WDR33: variants seen among roughly 807,000 people sequenced by gnomAD.
The protein encoded by WDR33 is WD repeat domain 33.
WDR33 carries 47 observed loss-of-function variants against 164.9 expected under a neutral mutation model. That is an observed-to-expected ratio of 0.29 (90% CI 0.23 to 0.36). The LOEUF is 0.36. Among genes scored for constraint, WDR33 ranks in the 10% least tolerant of loss-of-function variants. The pLI is 1.00. For synonymous variants in WDR33, 505 were observed against 589.0 expected, an observed-to-expected ratio of 0.86 and a Z score of 2.06; for missense variants, 1,137 against 1,754.1, an observed-to-expected ratio of 0.65 and a Z score of 6.28.
chr2:127,764,454 A>AT lies in WDR33; in HGVS notation c.626+373dup. On this transcript the variant is annotated intron_variant, in intron 6 of 21. Transcript: ENST00000322313. The surrounding 1 kb of genome is among the most constrained non-coding windows in gnomAD (Gnocchi z 6.2). ...TGAAGTTGTTTTCTGTAGGCTTTAG[A>AT]TTTTATTCAGTTGCATAATTAAAGA... 6.9e-7 allele frequency: 1 copy of AT among 1,457,444 alleles called. No individual in the cohort carries two copies. The highest frequency in any genetic ancestry group is 1.5e-5 in the South Asian group (1 of 64,616). 90.3% of individuals were successfully genotyped at this position (1,457,444 alleles called of 1,614,324 possible).
intron 1 of WDR33, among the ~76,000 whole-genome samples, chr2:127,795,136 T>G (rs907426820): frequency 6.9e-6 from 1 of 144,004 alleles, no homozygotes; most frequent in South Asian, 2.2e-4. Context: ...AGTCTCACTC[T>G]GTTGCCCAGG....
At position 127,701,702 on chromosome 2, in the gene WDR33, G is replaced by A. The variant is rs565236306; in HGVS notation, c.*4621C>T. The A allele has an allele frequency of 2.3e-6, 3 of 1,323,260 alleles. No individual in the cohort carries two copies. Among genetic ancestry groups the A allele is most frequent in the East Asian group, 3.2e-5 (1 of 31,048 alleles). The allele number at this position is 1,323,260 out of a possible 1,614,324, so 82.0% of individuals were successfully genotyped here. On this transcript the variant is annotated 3_prime_UTR_variant, in exon 22 of 22. Coordinates refer to ENST00000322313, the MANE Select transcript of WDR33 (RefSeq NM_018383.5). ...GCTGGACGTGGGCGCGGAGCCCTGC[G>A]GAGTCGGCAGCGGCCGGCCTGACGT...
At chr2:127,788,483 C>A (rs1688697793) in intron 1 of WDR33, among the ~76,000 whole-genome samples, 1 of 133,180 alleles carries the variant, frequency 7.5e-6, no homozygotes, top group Non-Finnish European at 1.6e-5. Context: ...CTGACACCCC[C>A]ACCTCCCTCC....
Position 127,702,075 on chromosome 2 carries a change from G to T in WDR33, c.*4248C>A. 8.2e-7 allele frequency: 1 copy of T among 1,222,366 alleles called. No homozygotes were observed. Among genetic ancestry groups the T allele is most frequent in the Non-Finnish European group, 1.0e-6 (1 of 983,312 alleles). 75.7% of individuals were successfully genotyped at this position (1,222,366 alleles called of 1,614,324 possible). A position where few individuals can be genotyped will look rare whatever the true frequency, so the allele number is the denominator to read the frequency against. On this transcript the variant is annotated 3_prime_UTR_variant, in exon 22 of 22. Transcript: ENST00000322313. ...CGCGCAGGTGGCCGCGCTGCTGGCCGCGCTGGTTGGGCTGCTGCCCTGGGG... is the reference window on the plus strand; with the variant it reads ...CGCGCAGGTGGCCGCGCTGCTGGCCTCGCTGGTTGGGCTGCTGCCCTGGGG...
chr2:127,723,879 T>A lies in WDR33; in HGVS notation c.1196+454A>T, dbSNP rs972618999. 1.3e-5 allele frequency among the ~76,000 whole-genome samples: 2 copies of A among 151,600 alleles called. No homozygotes were observed. The highest frequency in any genetic ancestry group is 4.9e-5 in the African/African-American group (2 of 41,228). On this transcript the variant is annotated intron_variant, in intron 11 of 21. Coordinates refer to ENST00000322313, the MANE Select transcript of WDR33 (RefSeq NM_018383.5). This position sits in a 1 kb window ranked among gnomAD's most constrained non-coding sequence, Gnocchi z 5.9. Reference sequence around the variant, plus strand: ...ATTGCCTAAGCCCAGGAGTTTGACATCAGCCTGGGCAACATGGTGAAACCC... The same window carrying A: ...ATTGCCTAAGCCCAGGAGTTTGACAACAGCCTGGGCAACATGGTGAAACCC...
intron 1 of WDR33, among the ~76,000 whole-genome samples, chr2:127,781,694 G>GT (rs1688373917): frequency 6.6e-6 from 1 of 151,936 alleles, no homozygotes; most frequent in Admixed American, 6.6e-5. Flanking sequence ...TCACTAGCTG[G>GT]TTAAAAAAAA....
At chr2:127,727,598 C>G (rs1686602302) in intron 7 of WDR33, among the ~76,000 whole-genome samples, 1 of 151,908 alleles carries the variant, frequency 6.6e-6, no homozygotes, top group African/African-American at 2.4e-5. Context: ...ACTTCAGTAA[C>G]CACCGTGCTA....
In WDR33 at chr2:127,795,102, CTTT is replaced by C. The variant is rs552910693; in HGVS notation, c.-24+15907_-24+15909del. Among the ~76,000 whole-genome samples, 43 of 131,120 alleles carry C rather than the reference CTTT, an allele frequency of 3.3e-4. 1 individual carries two copies. The highest frequency in any genetic ancestry group is 8.1e-4 in the African/African-American group (27 of 33,422). 86.0% of individuals were successfully genotyped at this position (131,120 alleles called of 152,430 possible). On this transcript the variant is annotated intron_variant, in intron 1 of 21. Transcript: ENST00000322313. ...AGTAAGTTATGAAGCAATAACTTCTCTTTTTTTTTTTTTTTTGAGAGGGAGTCT... is the reference window on the plus strand; with the variant it reads ...AGTAAGTTATGAAGCAATAACTTCTCTTTTTTTTTTTTTGAGAGGGAGTCT...
At chr2:127,765,924 T>G (rs17534297) in intron 4 of WDR33, among the ~76,000 whole-genome samples, 16,210 of 152,194 alleles carry the variant, frequency 0.11, 1,196 homozygotes, top group South Asian at 0.25. Flanking sequence ...AAGTTTTAAT[T>G]CTAATGGATA....
intron 18 of WDR33, among the ~76,000 whole-genome samples, chr2:127,711,040 G>A (rs1333357770): frequency 6.6e-6 from 1 of 152,172 alleles, no homozygotes; most frequent in African/African-American, 2.4e-5. Flanking sequence ...CTAAGAACAA[G>A]AACTTTCTCC....
chr2:127,713,467 G>T lies in WDR33; in HGVS notation c.3308+116C>A. 1 of 1,188,200 alleles carries T rather than the reference G, an allele frequency of 8.4e-7. No individual in the cohort carries two copies. Among genetic ancestry groups the T allele is most frequent in the Non-Finnish European group, 1.2e-6 (1 of 833,152 alleles). 73.6% of individuals were successfully genotyped at this position (1,188,200 alleles called of 1,614,324 possible). ...AAATGCAAACTCTACAGAGTGCAGGGCTGGTAATTGATATAATTCTCTTTC... is the reference window on the plus strand; with the variant it reads ...AAATGCAAACTCTACAGAGTGCAGGTCTGGTAATTGATATAATTCTCTTTC... On this transcript the variant is annotated intron_variant, in intron 18 of 21. Coordinates refer to ENST00000322313, the MANE Select transcript of WDR33 (RefSeq NM_018383.5). The surrounding 1 kb of genome is among the most constrained non-coding windows in gnomAD (Gnocchi z 6.2).
intron 1 of WDR33, among the ~76,000 whole-genome samples, chr2:127,782,425 T>A: frequency 6.6e-6 from 1 of 151,866 alleles, no homozygotes; most frequent in Non-Finnish European, 1.5e-5. Context: ...AGAAAATTGA[T>A]CTCAAAAAGA....
intron 7 of WDR33, among the ~76,000 whole-genome samples, chr2:127,755,931 C>A (rs865780114): frequency 1.3e-5 from 2 of 152,274 alleles, no homozygotes; most frequent in Non-Finnish European, 2.9e-5. Context: ...AGAATACTTA[C>A]AATTTCCATT....
intron 3 of WDR33, 77 bp downstream of exon 3, chr2:127,768,856 T>G (rs1292134439): frequency 1.0e-5 from 11 of 1,076,702 alleles, no homozygotes; most frequent in Admixed American, 1.9e-5. Context: ...ATTTTGGACT[T>G]GAAGTCACAC....
At chr2:127,780,098 C>T (rs552781414) in intron 1 of WDR33, among the ~76,000 whole-genome samples, 2 of 151,872 alleles carry the variant, frequency 1.3e-5, no homozygotes, top group African/African-American at 4.8e-5. Context: ...CTCAGCCTCT[C>T]GAGTAGCTGG....
In WDR33 at chr2:127,723,972, G is replaced by A. The variant is rs903669399; in HGVS notation, c.1196+361C>T. Among the ~76,000 whole-genome samples the A allele has an allele frequency of 6.6e-6, 1 of 152,088 alleles. No individual in the cohort carries two copies. Among genetic ancestry groups the A allele is most frequent in the African/African-American group, 2.4e-5 (1 of 41,416 alleles). On this transcript the variant is annotated intron_variant, in intron 11 of 21. Coordinates refer to ENST00000322313, the MANE Select transcript of WDR33 (RefSeq NM_018383.5). The surrounding 1 kb of genome is among the most constrained non-coding windows in gnomAD (Gnocchi z 5.9). ...TGCTCCTATAGTCTCAGCTACTCAG[G>A]AGGCTGAGGTAGGAGGATCACCTGA...
At chr2:127,795,657 TA>T (rs113988239) in intron 1 of WDR33, among the ~76,000 whole-genome samples, 22,827 of 130,432 alleles carry the variant, frequency 0.18, 2,177 homozygotes, top group African/African-American at 0.3. Context: ...CTCCTTTCTA[TA>T]AAAAAAAAAA....
rs1685938843 is a variant in WDR33 at position 127,703,365 on chromosome 2, G to T, written c.*2958C>A. On this transcript the variant is annotated 3_prime_UTR_variant, in exon 22 of 22. Transcript: ENST00000322313. ...TTGAGGACCACTTTTCTGTGCATTGGCTTGCACAATTTGAAAGTAATGCTT... is the reference window on the plus strand; with the variant it reads ...TTGAGGACCACTTTTCTGTGCATTGTCTTGCACAATTTGAAAGTAATGCTT... 1.2e-5 allele frequency: 2 copies of T among 167,026 alleles called. No individual in the cohort carries two copies. Among genetic ancestry groups the T allele is most frequent in the African/African-American group, 2.4e-5 (1 of 41,424 alleles). The allele number at this position is 167,026 out of a possible 1,614,324, so 10.3% of individuals were successfully genotyped here. A position where few individuals can be genotyped will look rare whatever the true frequency, so the allele number is the denominator to read the frequency against.
rs530138819 is a variant in WDR33 at position 127,785,718 on chromosome 2, T to A, written c.-23-14714A>T. ...GATGTACCAAACTTTGTTTACCCACTCCCCTACTGAAAGACATCTGGGTTG... is the reference window on the plus strand; with the variant it reads ...GATGTACCAAACTTTGTTTACCCACACCCCTACTGAAAGACATCTGGGTTG... On this transcript the variant is annotated intron_variant, in intron 1 of 21. Coordinates refer to ENST00000322313, the MANE Select transcript of WDR33 (RefSeq NM_018383.5). Among the ~76,000 whole-genome samples the A allele has an allele frequency of 2.6e-5, 4 of 152,300 alleles. No individual in the cohort carries two copies. In the East Asian group the frequency reaches 7.7e-4, roughly 29 times the overall value.
Sources: allele counts gnomAD v4.1 joint callset (sites outside exome capture counted in the v4.1 genomes callset), GRCh38; gene constraint gnomAD v4.1.1; non-coding constraint Gnocchi (gnomAD v3.1); transcripts MANE v1.5; gene names NCBI Gene and HGNC (gene_info 2026-07-23, HGNC 2026-07-21).